USP20: variants seen among roughly 807,000 people sequenced by gnomAD.
The protein encoded by USP20 is ubiquitin carboxyl-terminal hydrolase 20.
Under a neutral mutation model 124.2 loss-of-function variants are expected in USP20, and 80 were observed. The observed-to-expected ratio is 0.64, with a 90% CI of 0.54 to 0.78. The LOEUF is 0.78. Among genes scored for constraint, USP20 ranks in the 30% least tolerant of loss-of-function variants. The probability of loss-of-function intolerance (pLI) is 0.00; values close to 1 mark genes in which losing one functional copy is unlikely to be tolerated. For synonymous variants in USP20, 481 were observed against 512.3 expected (o/e 0.94, Z 0.83); for missense variants, 1,043 against 1,244.4 (o/e 0.84, Z 2.44).
intron 4 of USP20, 102 bp downstream of exon 4, chr9:129,856,462 C>G: frequency 7.3e-7 from 1 of 1,379,182 alleles, no homozygotes. Flanking sequence ...TGGGAACTTC[C>G]ATCCCTAGTG....
chr9:129,857,937 T>C, intron 4 of USP20, 113 bp from the exon 5 acceptor site: 1 of 891,394 alleles, frequency 1.1e-6, no homozygotes. Flanking sequence ...CAGTCCCTTG[T>C]GGCCCCTATT....
At position 129,865,354 on chromosome 9, in the gene USP20, C is replaced by T. The variant is rs1361107843; in HGVS notation, c.663C>T (p.Asn221=). ...TSLSHGIKLV[N]PMFRGYAQQD... ...TGTCTCATGGGATCAAGTTGGTCAA[C>T]CCAATGTTCCGAGGCTATGCCCAGC... is the stretch of plus-strand genomic sequence containing the variant. Residue 221 remains asparagine (N), a synonymous_variant, in exon 10 of 26, where the codon AAC becomes AAT. Coordinates refer to ENST00000372429, the MANE Select transcript of USP20 (RefSeq NM_001110303.4). 1 of 1,614,224 alleles carries T rather than the reference C, an allele frequency of 6.2e-7. No homozygotes were observed. The highest frequency in any genetic ancestry group is 8.5e-7 in the Non-Finnish European group (1 of 1,180,026).
chr9:129,863,653 TG>T (rs1421854071), intron 9 of USP20, among the ~76,000 whole-genome samples: 1 of 145,480 alleles, frequency 6.9e-6, no homozygotes, highest in Non-Finnish European at 1.5e-5. Context: ...GAAGGAGGTG[TG>T]GGGCAGGGGA....
At position 129,839,654 on chromosome 9, in the gene USP20, T is replaced by C. The variant is rs1330392620; in HGVS notation, c.-129+4155T>C. ...TGGGGGTGTGAGATGGCTAATGTGG[T>C]TGGGGTCAGCGTGGGCAGGGCTGTG... On this transcript the variant is annotated intron_variant, in intron 1 of 25. Coordinates refer to ENST00000372429, the MANE Select transcript of USP20 (RefSeq NM_001110303.4). This position sits in a 1 kb window ranked among gnomAD's most constrained non-coding sequence, Gnocchi z 4.5. Among the ~76,000 whole-genome samples, 1 of 151,708 alleles carries C rather than the reference T, an allele frequency of 6.6e-6. No homozygotes were observed. Among genetic ancestry groups the C allele is most frequent in the Non-Finnish European group, 1.5e-5 (1 of 67,860 alleles).
At chr9:129,873,220 A>C (rs759091818) in intron 15 of USP20, among the ~76,000 whole-genome samples, 29 of 150,730 alleles carry the variant, frequency 1.9e-4, no homozygotes, top group Non-Finnish European at 3.1e-4. Flanking sequence ...AGTAGCTGGG[A>C]TTACAGGCAC....
chr9:129,868,783 G>T lies in USP20; in HGVS notation c.1136-79G>T, dbSNP rs372125380. ...TCAGGCTTTCGTCCCTTTAGGAGGG[G>T]CTGGCAGGTCATCTTCCTGCCCACT... On this transcript the variant is annotated intron_variant, in intron 11 of 25. Coordinates refer to ENST00000372429, the MANE Select transcript of USP20 (RefSeq NM_001110303.4). 34 of 1,497,418 alleles carry T rather than the reference G, an allele frequency of 2.3e-5. No individual in the cohort carries two copies. In the East Asian group the frequency reaches 4.1e-4, roughly 18 times the overall value. 92.8% of individuals were successfully genotyped at this position (1,497,418 alleles called of 1,614,324 possible). A position where few individuals can be genotyped will look rare whatever the true frequency, so the allele number is the denominator to read the frequency against.
At chr9:129,853,964 CA>C (rs2033080119) in intron 3 of USP20, among the ~76,000 whole-genome samples, 1 of 148,782 alleles carries the variant, frequency 6.7e-6, no homozygotes, top group Admixed American at 6.8e-5. Flanking sequence ...CAGAAAGTTA[CA>C]AAATAAAACC....
rs1203706381 is a variant in USP20 at position 129,880,810 on chromosome 9, CGTCTCCACT to C, written c.*363_*371del. ...TCAGGGAGTAGCTGCTGCTTCACGG[CGTCTCCACT>C]GTGCGATTGGCCCGGAGCCCCGAAG... On this transcript the variant is annotated 3_prime_UTR_variant, in exon 26 of 26. Coordinates refer to ENST00000372429, the MANE Select transcript of USP20 (RefSeq NM_001110303.4). 6.3e-6 allele frequency: 1 copy of C among 158,088 alleles called. No homozygotes were observed. Among genetic ancestry groups the C allele is most frequent in the Non-Finnish European group, 1.4e-5 (1 of 70,976 alleles). 9.8% of individuals were successfully genotyped at this position (158,088 alleles called of 1,614,324 possible). A position where few individuals can be genotyped will look rare whatever the true frequency, so the allele number is the denominator to read the frequency against.
Position 129,881,037 on chromosome 9 carries a change from C to T in USP20, c.*587C>T, listed in dbSNP as rs2034618266. On this transcript the variant is annotated 3_prime_UTR_variant, in exon 26 of 26. Transcript: ENST00000372429. ...ACTCTGGACTCATTGCTGATTGGAA[C>T]ACCAGGAGGAGGTTGGATTTCTGCC... 1 of 152,444 alleles carries T rather than the reference C, an allele frequency of 6.6e-6. No homozygotes were observed. The highest frequency in any genetic ancestry group is 2.4e-5 in the African/African-American group (1 of 41,464). 9.4% of individuals were successfully genotyped at this position (152,444 alleles called of 1,614,324 possible).
intron 1 of USP20, among the ~76,000 whole-genome samples, chr9:129,846,245 A>ATTTTTTTTT (rs1169724263): frequency 6.9e-5 from 3 of 43,400 alleles, no homozygotes; most frequent in East Asian, 9.3e-4. Context: ...ATATATATAT[A>ATTTTTTTTT]TATTTTTTTT....
Position 129,868,355 on chromosome 9 carries a change from C to T in USP20, c.1041C>T (p.Asp347=), listed in dbSNP as rs374837372. Residue 347 remains aspartate (D), a synonymous_variant, in exon 11 of 26, where the codon GAC becomes GAT. Coordinates refer to ENST00000372429, the MANE Select transcript of USP20 (RefSeq NM_001110303.4). ...CAAACTCGGAGCAAGTGGACGAGGA[C>T]GCTGATGTGGACACTGCCATGGCTG... ...QRTNSEQVDE[D]ADVDTAMAAL... 1.7e-5 allele frequency: 28 copies of T among 1,609,584 alleles called. No homozygotes were observed. Among genetic ancestry groups the T allele is most frequent in the Middle Eastern group, 1.7e-4 (1 of 6,056 alleles).
rs369056964 is a variant in USP20, at chr9:129,874,916, C to T, written c.2009C>T (p.Thr670Met). 11 of 1,613,996 alleles carry T rather than the reference C, an allele frequency of 6.8e-6. No homozygotes were observed. The highest frequency in any genetic ancestry group is 3.3e-5 in the Admixed American group (2 of 60,006). ...DDQYVTEVHE[T>M]VVQNAEGYVL... ...CAGTACGTCACAGAAGTCCACGAGA[C>T]GGTGGTGCAGAACGCCGAGGGCTAC... The change falls in exon 19 of 26, where the codon ACG (threonine) becomes ATG (methionine). Residue 670 changes from threonine (T) to methionine (M), a missense_variant. Thr to Met is a moderately conservative substitution (Grantham distance 81, BLOSUM62 -1). Coordinates refer to ENST00000372429, the MANE Select transcript of USP20 (RefSeq NM_001110303.4).
Position 129,852,543 on chromosome 9 carries a change from A to T in USP20, c.-13A>T. On this transcript the variant is annotated 5_prime_UTR_variant, in exon 3 of 26. The change abolishes the stop of an existing upstream ORF in the 5' untranslated region. Transcript: ENST00000372429. The stretch of plus-strand genomic sequence containing the variant: ...GATTGCTTGTGTCTTCTCATAGGTG[A>T]GCCCAGGCCAGGATGGGGGACTCCA... 6.3e-7 allele frequency: 1 copy of T among 1,586,468 alleles called. No individual in the cohort carries two copies. Among genetic ancestry groups the T allele is most frequent in the Admixed American group, 1.8e-5 (1 of 56,466 alleles).
chr9:129,847,299 C>CTTT (rs35098457), intron 1 of USP20, among the ~76,000 whole-genome samples: 29 of 130,858 alleles, frequency 2.2e-4, no homozygotes, highest in African/African-American at 6.3e-4. Context: ...ACAGCCAACA[C>CTTT]TTTTTTTTTT....
At chr9:129,860,208 T>C (rs1452873061) in intron 6 of USP20, among the ~76,000 whole-genome samples, 2 of 151,934 alleles carry the variant, frequency 1.3e-5, no homozygotes, top group Admixed American at 1.3e-4. Flanking sequence ...CGGGCACCTG[T>C]AGTCCCAGCT....
chr9:129,845,978 G>A (rs951098357), intron 1 of USP20, among the ~76,000 whole-genome samples: 4 of 151,930 alleles, frequency 2.6e-5, no homozygotes, highest in South Asian at 4.1e-4. Flanking sequence ...AGGCTGGAGC[G>A]CAGTGGTGCG....
rs1345524221 is a variant in USP20 at position 129,839,069 on chromosome 9, C to T, written c.-129+3570C>T. ...TGGGGAGGTGAAGGTCGTCCCCATGCCAGGCTGGCCGGGGCTGTTTGTGAC... is the reference window on the plus strand; with the variant it reads ...TGGGGAGGTGAAGGTCGTCCCCATGTCAGGCTGGCCGGGGCTGTTTGTGAC... On this transcript the variant is annotated intron_variant, in intron 1 of 25. Transcript: ENST00000372429. This position sits in a 1 kb window ranked among gnomAD's most constrained non-coding sequence, Gnocchi z 4.5. Among the ~76,000 whole-genome samples the T allele has an allele frequency of 6.6e-6, 1 of 152,152 alleles. No individual in the cohort carries two copies. Among genetic ancestry groups the T allele is most frequent in the East Asian group, 1.9e-4 (1 of 5,190 alleles).
rs4332226 is a variant in USP20 at position 129,873,752 on chromosome 9, A to G, written c.1740+8A>G. ...GTCCTGCGGTTGCCCGAGGTGAGCC[A>G]GTGGCCTCGGCAGCCTCCTCCTCAG... On this transcript the variant is annotated splice_region_variant and intron_variant, in intron 17 of 25. Transcript: ENST00000372429. The G allele has an allele frequency of 0.9, 1,455,155 of 1,610,806 alleles. 659,679 individuals are homozygous for G. Among genetic ancestry groups the G allele is most frequent in the East Asian group, 1 (44,754 of 44,868 alleles).
intron 6 of USP20, among the ~76,000 whole-genome samples, chr9:129,859,274 A>ATTTTC (rs2033403430): frequency 7.0e-6 from 1 of 142,630 alleles, no homozygotes; most frequent in African/African-American, 2.6e-5. Context: ...ATTTTATTTT[A>ATTTTC]TTTTATTTTA....
Sources: gnomAD v4.1 joint callset for allele counts (sites outside exome capture counted in the v4.1 genomes callset) on GRCh38, gnomAD v4.1.1 for gene constraint, Gnocchi (gnomAD v3.1) non-coding constraint, MANE v1.5 for transcripts, NCBI Gene and HGNC (gene_info 2026-07-23, HGNC 2026-07-21) for gene names.